TBC1D19: variants seen among roughly 807,000 people sequenced by gnomAD.
The protein encoded by TBC1D19 is TBC1 domain family member 19, also known as TBC1 domain family, member 19.
A neutral mutation model predicts 89.0 loss-of-function variants in TBC1D19; 60 were observed. The ratio of observed to expected loss-of-function variants is 0.67; its 90% CI spans 0.55 to 0.84. The LOEUF is 0.84. TBC1D19 is among the 40% of genes least tolerant of loss of function. The pLI is 0.00. For missense variants in TBC1D19, 500 were observed against 610.8 expected, an observed-to-expected ratio of 0.82 and a Z score of 1.91; for synonymous variants, 189 against 199.7, an observed-to-expected ratio of 0.95 and a Z score of 0.45.
At chr4:26,770,533 C>T in the TBC1D19 span, among the ~76,000 whole-genome samples, 1 of 151,790 alleles carries the variant, frequency 6.6e-6, no homozygotes, top group African/African-American at 2.4e-5. Flanking sequence ...ATTTTTCTAC[C>T]TATTCCACCA....
At chr4:26,623,263 T>C (rs1269487726) in intron 4 of TBC1D19, among the ~76,000 whole-genome samples, 2 of 152,190 alleles carry the variant, frequency 1.3e-5, no homozygotes, top group Non-Finnish European at 2.9e-5. Context: ...CTCCCAAACT[T>C]TTGACTACTT....
intron 1 of TBC1D19, among the ~76,000 whole-genome samples, chr4:26,604,184 C>T (rs1462499998): frequency 1.6e-5 from 2 of 124,122 alleles, no homozygotes; most frequent in African/African-American, 3.3e-5. Flanking sequence ...GACGGAGTGT[C>T]GCTCTGTTAC....
At chr4:26,801,773 G>A in the TBC1D19 span, among the ~76,000 whole-genome samples, 1 of 152,032 alleles carries the variant, frequency 6.6e-6, no homozygotes, top group Non-Finnish European at 1.5e-5. Context: ...ACGTGAAAAG[G>A]CAATTCACAA....
At chr4:26,783,566 TA>T in the TBC1D19 span, among the ~76,000 whole-genome samples, 1 of 151,910 alleles carries the variant, frequency 6.6e-6, no homozygotes, top group Non-Finnish European at 1.5e-5. Flanking sequence ...GCACATTTTT[TA>T]AAAAAAAGAT....
intron 4 of TBC1D19, among the ~76,000 whole-genome samples, chr4:26,626,494 G>A (rs371246275): frequency 6.6e-6 from 1 of 152,072 alleles, no homozygotes; most frequent in Admixed American, 6.6e-5. Flanking sequence ...TATGAGGTGG[G>A]TTACTAATGT....
At chr4:26,673,446 T>TATATATATATATATATATATATACACAC in intron 10 of TBC1D19, among the ~76,000 whole-genome samples, 1 of 90,880 alleles carries the variant, frequency 1.1e-5, no homozygotes, top group Non-Finnish European at 2.1e-5. Flanking sequence ...TATATATATA[T>TATATATATATATATATATATATACACAC]ACACACACAC....
At chr4:26,580,756 T>C (rs1193884906), upstream of TBC1D19, among the ~76,000 whole-genome samples, 1 of 152,214 alleles carries the variant, frequency 6.6e-6, no homozygotes, top group Non-Finnish European at 1.5e-5. Context: ...GCCACCCTCA[T>C]GTGAATAAAG....
chr4:26,644,237 G>T lies in TBC1D19; in HGVS notation c.480+4050G>T, dbSNP rs183344392. 8.5e-3 allele frequency among the ~76,000 whole-genome samples: 1,301 copies of T among 152,224 alleles called. 10 individuals carry two copies. The highest frequency in any genetic ancestry group is 0.014 in the Non-Finnish European group (925 of 68,018). On this transcript the variant is annotated intron_variant, in intron 7 of 20. Coordinates refer to ENST00000264866, the MANE Select transcript of TBC1D19 (RefSeq NM_018317.4). ...AAGCTTATCCACCAAGATCAAGTCG[G>T]TTTCATCCCTGGGATGCAAGGCTGG...
the TBC1D19 span, among the ~76,000 whole-genome samples, chr4:26,827,910 AC>A: frequency 1.3e-5 from 2 of 151,990 alleles, no homozygotes; most frequent in Admixed American, 6.6e-5. Context: ...TTTGAGATTA[AC>A]GTAGGCCACC....
chr4:26,827,434 G>A, the TBC1D19 span, among the ~76,000 whole-genome samples: 4 of 152,164 alleles, frequency 2.6e-5, no homozygotes, highest in African/African-American at 4.8e-5. Context: ...GAGAAACCTC[G>A]TCTCTACTAA....
In TBC1D19 at chr4:26,714,841, A is replaced by T. The variant is rs150022272; in HGVS notation, c.955-3092A>T. On this transcript the variant is annotated intron_variant, in intron 13 of 20. Transcript: ENST00000264866. ...CACTGACTTACTTTCCTTGCCTAGG[A>T]CACTCTGCGTCTCCCAGCAACTTGC... Among the ~76,000 whole-genome samples the T allele has an allele frequency of 8.6e-3, 1,309 of 152,168 alleles. 10 individuals carry two copies. Among genetic ancestry groups the T allele is most frequent in the Admixed American group, 0.014 (213 of 15,258 alleles).
rs746735899 is a variant in TBC1D19 at position 26,584,287 on chromosome 4, G to T, written c.94G>T (p.Ala32Ser). The T allele has an allele frequency of 6.2e-7, 1 of 1,609,054 alleles. No individual in the cohort carries two copies. Among genetic ancestry groups the T allele is most frequent in the Non-Finnish European group, 8.5e-7 (1 of 1,178,080 alleles). The change falls in exon 1 of 21, where the codon GCC (alanine) becomes TCC (serine). Residue 32 changes from alanine (A) to serine (S), a missense_variant. This residue lies in a region of TBC1D19 where 280 missense variants were observed against 291.7 expected (regional missense o/e 0.96). Transcript: ENST00000264866. ...SNLYSQLERQ[A>S]WASLQRPEIK... ...TTTGTACTCTCAGCTGGAACGGCAG[G>T]CCTGGGTAAGTGAGGCCGAGTGGGA... is the stretch of plus-strand genomic sequence containing the variant.
chr4:26,659,147 T>C (rs1745061390), intron 7 of TBC1D19, among the ~76,000 whole-genome samples: 1 of 152,030 alleles, frequency 6.6e-6, no homozygotes, highest in Admixed American at 6.6e-5. Flanking sequence ...GAGAGATGCC[T>C]TGCAATCTTA....
At chr4:26,677,006 G>C (rs543725957) in intron 11 of TBC1D19, among the ~76,000 whole-genome samples, 1 of 151,956 alleles carries the variant, frequency 6.6e-6, no homozygotes, top group Non-Finnish European at 1.5e-5. Context: ...TTTAAATGCA[G>C]CTGCTTAGTG....
chr4:26,835,254 A>G, the TBC1D19 span, among the ~76,000 whole-genome samples: 2 of 152,182 alleles, frequency 1.3e-5, no homozygotes, highest in African/African-American at 2.4e-5. Flanking sequence ...GGAAGGGGCC[A>G]TGAGCCAAGG....
At chr4:26,746,855 A>C (rs1190714928) in intron 18 of TBC1D19, among the ~76,000 whole-genome samples, 14 of 152,142 alleles carry the variant, frequency 9.2e-5, no homozygotes, top group Admixed American at 9.2e-4. Flanking sequence ...TAAAAAAAAA[A>C]GGGTCACTTG....
At chr4:26,743,290 TC>T (rs1718474539) in intron 18 of TBC1D19, among the ~76,000 whole-genome samples, 1 of 152,126 alleles carries the variant, frequency 6.6e-6, no homozygotes, top group Admixed American at 6.5e-5. Context: ...AAGTATTAAC[TC>T]CTTGAGGCCA....
the TBC1D19 span, among the ~76,000 whole-genome samples, chr4:26,823,165 G>A: frequency 2.8e-4 from 43 of 152,218 alleles, no homozygotes; most frequent in Non-Finnish European, 5.7e-4. Context: ...ATGGCAACAG[G>A]CAAACAGAGA....
At chr4:26,688,806 C>T (rs776801650) in intron 13 of TBC1D19, among the ~76,000 whole-genome samples, 3 of 151,880 alleles carry the variant, frequency 2.0e-5, no homozygotes, top group African/African-American at 2.4e-5. Flanking sequence ...TTTGGAGTGT[C>T]GTGATTATCC....
Sources: gnomAD v4.1 joint callset for allele counts (sites outside exome capture counted in the v4.1 genomes callset) on GRCh38, gnomAD v4.1.1 for gene constraint, gnomAD v4.1.1 regional missense constraint, MANE v1.5 for transcripts, NCBI Gene and HGNC (gene_info 2026-07-23, HGNC 2026-07-21) for gene names.